Variants in MXRA5 observed in about 807,000 individuals in gnomAD.
MXRA5 encodes the protein matrix-remodeling-associated protein 5.
MXRA5 carries 41 observed loss-of-function variants against 112.5 expected under a neutral mutation model. The ratio of observed to expected loss-of-function variants is 0.36; its 90% CI spans 0.28 to 0.47. The LOEUF is 0.47. Ranked by LOEUF, MXRA5 falls within the 20% of genes least tolerant of loss-of-function variation. The pLI is 0.99. For missense variants in MXRA5, 2,150 were observed against 2,251.0 expected (o/e 0.96, Z 0.91); for synonymous variants, 862 against 900.8 (o/e 0.96, Z 0.77).
rs761696496 is a variant in MXRA5, at chrX:3,323,340, C to T, written c.2345G>A (p.Arg782His). ...NMANKQINPERWADILAKVRG... is the reference protein window; with the variant it reads ...NMANKQINPEHWADILAKVRG... ...GACTTTGGCTAAAATATCAGCCCAG[C>T]GCTCCGGATTAATCTGTTTGTTTGC... Residue 782 changes from arginine to histidine, a missense_variant, in exon 5 of 7, where the codon CGC becomes CAC. Physicochemically the swap from Arg to His is conservative, Grantham distance 29. Coordinates refer to ENST00000217939, the MANE Select transcript of MXRA5 (RefSeq NM_015419.4). The T allele has an allele frequency of 2.3e-5, 28 of 1,209,754 alleles. No homozygotes were observed. The East Asian group carries it at 4.1e-4, about 18-fold the overall frequency.
At position 3,322,521 on chromosome X, in the gene MXRA5, A is replaced by T. The variant is rs1323576879; in HGVS notation, c.3164T>A (p.Leu1055Gln). 8.3e-7 allele frequency: 1 copy of T among 1,209,117 alleles called. No individual in the cohort carries two copies. The highest frequency in any genetic ancestry group is 2.2e-5 in the Admixed American group (1 of 45,647). ...KSSLSTQDTLLIKKGMKEMSQ... is the reference protein window; with the variant it reads ...KSSLSTQDTLQIKKGMKEMSQ... ...CATCTCTTTCATACCCTTTTTAATC[A>T]GTAAGGTGTCTTGAGTGCTTAGACT... Residue 1055 changes from leucine (L) to glutamine (Q), a missense_variant, in exon 5 of 7, where the codon CTG (leucine) becomes CAG (glutamine). This residue lies in a region of MXRA5 where 1,485 missense variants were observed against 1,471.6 expected (regional missense o/e 1.01). Coordinates refer to ENST00000217939, the MANE Select transcript of MXRA5 (RefSeq NM_015419.4).
At chrX:3,319,834 T>C (rs1223964859) in intron 5 of MXRA5, among the ~76,000 whole-genome samples, 174 bp downstream of exon 5, 2 of 111,374 alleles carry the variant, frequency 1.8e-5, no homozygotes, top group African/African-American at 6.5e-5. Context: ...AAGCTGAAGT[T>C]ATAAAAATAA....
In MXRA5 at chrX:3,309,096, A is replaced by G. The variant is rs1291451034; in HGVS notation, c.*620T>C. 1 of 111,966 alleles carries G rather than the reference A, an allele frequency of 8.9e-6. No homozygotes were observed. The highest frequency in any genetic ancestry group is 3.2e-5 in the African/African-American group (1 of 30,814). The allele number at this position is 111,966 out of a possible 1,213,427, so 9.2% of individuals were successfully genotyped here. On this transcript the variant is annotated 3_prime_UTR_variant, in exon 7 of 7. Coordinates refer to ENST00000217939, the MANE Select transcript of MXRA5 (RefSeq NM_015419.4). ...GGAAAAAATATATATATAAAACATT[A>G]TATAAAAAGTGAGTTCCAGGAAGAA...
chrX:3,317,198 T>G lies in MXRA5; in HGVS notation c.6483A>C (p.Gly2161=). The G allele has an allele frequency of 2.5e-6, 3 of 1,210,617 alleles. No individual in the cohort carries two copies. The highest frequency in any genetic ancestry group is 3.4e-6 in the Non-Finnish European group (3 of 895,145). ...CGCTGCAGTCCAGCTTGAGGGTTCC[T>G]CCGTACCTGACGTCCGTCCTCCGCG... ...TSPRRTDVRY[G]GTLKLDCSAS... The change falls in exon 6 of 7, where the codon GGA becomes GGC. Residue 2161 remains glycine, a synonymous_variant. Transcript: ENST00000217939.
At position 3,333,427 on chromosome X, in the gene MXRA5, C is replaced by A. The variant is rs1044518362; in HGVS notation, c.189-2654G>T. On this transcript the variant is annotated intron_variant, in intron 2 of 6. Transcript: ENST00000217939. ...CAATGTTCCATTCCAAAGTTTTTTT[C>A]CTATTACCTAGTGGTACTTTGGTCT... Among the ~76,000 whole-genome samples the A allele has an allele frequency of 1.1e-4, 12 of 107,836 alleles. 1 individual carries two copies. Among genetic ancestry groups the A allele is most frequent in the Admixed American group, 9.0e-4 (9 of 9,996 alleles). The allele number at this position is 107,836 out of a possible 115,157, so 93.6% of individuals were successfully genotyped here.
intron 2 of MXRA5, among the ~76,000 whole-genome samples, chrX:3,339,198 C>T (rs778554506): frequency 1.3e-4 from 14 of 111,192 alleles, no homozygotes; most frequent in Non-Finnish European, 2.3e-4. Flanking sequence ...ACGGGCTCCA[C>T]ATCAGCTCAG....
In MXRA5 at chrX:3,310,169, A is replaced by G; in HGVS notation, c.8034T>C (p.His2678=). The G allele has an allele frequency of 1.7e-6, 2 of 1,211,650 alleles. No homozygotes were observed. The highest frequency in any genetic ancestry group is 2.2e-6 in the Non-Finnish European group (2 of 895,438). ...GTCCCAGGGTTTGGGGGCCCTCCAG[A>G]TGCATGCCATTGGGGAGCGTCCAGG... is the stretch of plus-strand genomic sequence containing the variant. The part of the protein sequence containing the change: ...RFSWTLPNGM[H]LEGPQTLGRV... The change falls in exon 7 of 7, where the codon CAT becomes CAC. Residue 2678 remains histidine (H), a synonymous_variant. Coordinates refer to ENST00000217939, the MANE Select transcript of MXRA5 (RefSeq NM_015419.4).
At chrX:3,341,741 A>G (rs1208756968) in intron 2 of MXRA5, among the ~76,000 whole-genome samples, 2 of 94,249 alleles carry the variant, frequency 2.1e-5, no homozygotes, top group African/African-American at 3.8e-5. Context: ...AGCTTTTTAG[A>G]GGGCTCCACC....
rs2061805803 is a variant in MXRA5, at chrX:3,323,638, GGCGTCTGCCTCTTTTGGATGGCAA to G, written c.2023_2046del (p.Leu675_Arg682del). The G allele has an allele frequency of 3.3e-6, 4 of 1,208,799 alleles. No homozygotes were observed. The highest frequency in any genetic ancestry group is 3.4e-6 in the Non-Finnish European group (3 of 894,703). ...ACTCTGGAAAGAGCCTTTGCACCTG[GGCGTCTGCCTCTTTTGGATGGCAA>G]GCCAGACCCTTTCTTGGTCACTGTG... is the stretch of plus-strand genomic sequence containing the variant. On this transcript the variant is annotated inframe_deletion, in exon 5 of 7. Coordinates refer to ENST00000217939, the MANE Select transcript of MXRA5 (RefSeq NM_015419.4).
In MXRA5 at chrX:3,323,444, C is replaced by G; in HGVS notation, c.2241G>C (p.Trp747Cys). 8.3e-7 allele frequency: 1 copy of G among 1,212,021 alleles called. No homozygotes were observed. Among genetic ancestry groups the G allele is most frequent in the Non-Finnish European group, 1.1e-6 (1 of 895,591 alleles). Reference protein sequence around the residue: ...AKKGRRKLKLWKHSEKEPETN... With the variant: ...AKKGRRKLKLCKHSEKEPETN... ...TCTCTGGTTCTTTTTCCGAATGCTT[C>G]CAGAGTTTCAGCTTTCTTCTCCCTT... Residue 747 changes from tryptophan to cysteine, a missense_variant, in exon 5 of 7, where the codon TGG (tryptophan) becomes TGC (cysteine). Physicochemically the swap from Trp to Cys is radical, Grantham distance 215. Coordinates refer to ENST00000217939, the MANE Select transcript of MXRA5 (RefSeq NM_015419.4).
chrX:3,345,076 T>C (rs1324962399), intron 1 of MXRA5, among the ~76,000 whole-genome samples: 1 of 111,722 alleles, frequency 9.0e-6, no homozygotes, highest in Non-Finnish European at 1.9e-5. Context: ...GAGGTTCCGG[T>C]GAACCGAGAT....
chrX:3,320,535 G>A lies in MXRA5; in HGVS notation c.5150C>T (p.Pro1717Leu). ...ATAATGAGGAATTCTTGGACTGGGA[G>A]GCTTTCCAACTGGGTTTCTTGCCTC... The part of the protein sequence containing the change: ...IPEARNPVGK[P>L]PSPRIPHYSN... The change falls in exon 5 of 7, where the codon CCT becomes CTT. Residue 1717 changes from proline (P) to leucine (L), a missense_variant. Pro to Leu is a moderately conservative substitution (Grantham distance 98, BLOSUM62 -3). This residue lies in a region of MXRA5 where 1,485 missense variants were observed against 1,471.6 expected (regional missense o/e 1.01). Coordinates refer to ENST00000217939, the MANE Select transcript of MXRA5 (RefSeq NM_015419.4). 8.3e-7 allele frequency: 1 copy of A among 1,211,829 alleles called. No individual in the cohort carries two copies. Among genetic ancestry groups the A allele is most frequent in the South Asian group, 1.8e-5 (1 of 56,988 alleles).
chrX:3,313,820 T>C (rs745812245), intron 6 of MXRA5, among the ~76,000 whole-genome samples: 4 of 112,456 alleles, frequency 3.6e-5, no homozygotes, highest in Admixed American at 9.4e-5. Context: ...CAGTTCTCTA[T>C]GTGGCAGCAC....
rs574216669 is a variant in MXRA5, at chrX:3,325,157, T to A, written c.710-182A>T. Among the ~76,000 whole-genome samples the A allele has an allele frequency of 1.4e-4, 16 of 111,774 alleles. No individual in the cohort carries two copies. The South Asian group carries it at 5.6e-3, about 39-fold the overall frequency. ...GTTAAACCACAGTTTTAGCACACTG[T>A]GTGGTAACTAACGGGTGCTTTATAA... is the stretch of plus-strand genomic sequence containing the variant. On this transcript the variant is annotated intron_variant, in intron 4 of 6. Coordinates refer to ENST00000217939, the MANE Select transcript of MXRA5 (RefSeq NM_015419.4).
At chrX:3,346,266 A>T (rs768189278) in intron 1 of MXRA5, among the ~76,000 whole-genome samples, 2 of 111,828 alleles carry the variant, frequency 1.8e-5, no homozygotes, top group African/African-American at 6.5e-5. Context: ...TCTGGGCTTA[A>T]TTAGACCTAT....
At chrX:3,338,616 ATAGG>A (rs1921837224) in intron 2 of MXRA5, among the ~76,000 whole-genome samples, 1 of 110,181 alleles carries the variant, frequency 9.1e-6, no homozygotes, top group Non-Finnish European at 1.9e-5. Context: ...TAGAGAATAG[ATAGG>A]TAGATTAATA....
At position 3,322,544 on chromosome X, in the gene MXRA5, A is replaced by T; in HGVS notation, c.3141T>A (p.Ser1047Arg). 8.3e-7 allele frequency: 1 copy of T among 1,211,161 alleles called. No individual in the cohort carries two copies. Among genetic ancestry groups the T allele is most frequent in the Non-Finnish European group, 1.1e-6 (1 of 895,371 alleles). ...LTDNIHLVKS[S>R]LSTQDTLLIK... The stretch of plus-strand genomic sequence containing the variant: ...TCAGTAAGGTGTCTTGAGTGCTTAG[A>T]CTACTTTTCACAAGGTGGATGTTGT... Residue 1047 changes from serine to arginine, a missense_variant, in exon 5 of 7, where the codon AGT (serine) becomes AGA (arginine). By Grantham distance (110) the Ser-to-Arg change is moderately radical. Coordinates refer to ENST00000217939, the MANE Select transcript of MXRA5 (RefSeq NM_015419.4).
chrX:3,336,498 T>C (rs147744474), intron 2 of MXRA5, among the ~76,000 whole-genome samples: 262 of 111,269 alleles, frequency 2.4e-3, no homozygotes, highest in African/African-American at 8.3e-3. Flanking sequence ...GTCAAATTCA[T>C]AGGGACAGAA....
At position 3,323,098 on chromosome X, in the gene MXRA5, T is replaced by A; in HGVS notation, c.2587A>T (p.Met863Leu). 2 of 1,211,802 alleles carry A rather than the reference T, an allele frequency of 1.7e-6. No homozygotes were observed. Among genetic ancestry groups the A allele is most frequent in the Non-Finnish European group, 2.2e-6 (2 of 895,557 alleles). Residue 863 changes from methionine to leucine, a missense_variant, in exon 5 of 7, where the codon ATG becomes TTG. Physicochemically the swap from Met to Leu is conservative, Grantham distance 15 (BLOSUM62 2). Around this residue, in one of 6 missense-constraint regions of MXRA5, gnomAD observed 1,485 missense variants for 1,471.6 expected, o/e 1.01. Transcript: ENST00000217939. The part of the protein sequence containing the change: ...HVLGTISSAS[M>L]GLEHNHNGVI... ...CCATTGTGGTTGTGTTCTAGCCCCA[T>A]GCTGGCTGAGGAAATGGTACCCAAA...
Sources: allele counts gnomAD v4.1 joint callset (sites outside exome capture counted in the v4.1 genomes callset), GRCh38; gene constraint gnomAD v4.1.1; regional missense constraint gnomAD v4.1.1; transcripts MANE v1.5; gene names NCBI Gene and HGNC (gene_info 2026-07-23, HGNC 2026-07-21).